The following COL9A2 variants were observed in gnomAD, a reference collection of about 807,000 sequenced individuals.
COL9A2 encodes the protein collagen alpha-2(IX) chain.
Under a neutral mutation model 111.6 loss-of-function variants are expected in COL9A2, and 66 were observed. That is an observed-to-expected ratio of 0.59 (90% CI 0.48 to 0.73). The LOEUF (loss-of-function observed/expected upper bound fraction) is 0.73, where lower values mean the gene tolerates loss of function less well. Ranked by LOEUF, COL9A2 falls within the 30% of genes least tolerant of loss-of-function variation. The pLI is 0.00. For missense variants in COL9A2, 881 were observed against 954.1 expected (o/e 0.92, Z 1.01); for synonymous variants, 353 against 364.1 (o/e 0.97, Z 0.35).
chr1:40,311,410 C>T lies in COL9A2; in HGVS notation c.519+90G>A. On this transcript the variant is annotated intron_variant, in intron 10 of 31. Transcript: ENST00000372748. This position sits in a 1 kb window ranked among gnomAD's most constrained non-coding sequence, Gnocchi z 5.1. ...CCTGCACTGCAGCCCCTCCCCATCT[C>T]TCCAGACACCCCCATCTCCGTGGCC... 1 of 1,584,474 alleles carries T rather than the reference C, an allele frequency of 6.3e-7. No homozygotes were observed. Among genetic ancestry groups the T allele is most frequent in the Non-Finnish European group, 8.6e-7 (1 of 1,161,190 alleles).
At chr1:40,306,475 A>T (rs1191570560) in intron 19 of COL9A2, among the ~76,000 whole-genome samples, 2 of 152,220 alleles carry the variant, frequency 1.3e-5, no homozygotes, top group Admixed American at 6.5e-5. Context: ...ACAAGTCTGC[A>T]TGTGTGCACA....
rs372016237 is a variant in COL9A2 at position 40,314,214 on chromosome 1, G to A, written c.240C>T (p.Pro80=). 28 of 1,614,028 alleles carry A rather than the reference G, an allele frequency of 1.7e-5. No homozygotes were observed. The highest frequency in any genetic ancestry group is 2.3e-5 in the Non-Finnish European group (27 of 1,180,018). ...ACACTCAGCTACTCACATCAATCCC[G>A]GGCTTCCCGTCTGGCCCATCTGGCC... ...KAGPDGPDGK[P]GIDGLTGAKG... The change falls in exon 4 of 32, where the codon CCC becomes CCT. Residue 80 remains proline (P), a synonymous_variant. Transcript: ENST00000372748. This position sits in a 1 kb window ranked among gnomAD's most constrained non-coding sequence, Gnocchi z 4.1.
intron 2 of COL9A2, chr1:40,315,275 G>C (rs1644199434): frequency 8.4e-7 from 1 of 1,185,688 alleles, no homozygotes; most frequent in South Asian, 2.4e-5. Flanking sequence ...GCAGGGTGAG[G>C]GGTTGAGTCG....
chr1:40,307,318 G>A lies in COL9A2; in HGVS notation c.1008+128C>T. 1 of 908,696 alleles carries A rather than the reference G, an allele frequency of 1.1e-6. No homozygotes were observed. The highest frequency in any genetic ancestry group is 1.8e-6 in the Non-Finnish European group (1 of 566,056). 56.3% of individuals were successfully genotyped at this position (908,696 alleles called of 1,614,324 possible). On this transcript the variant is annotated intron_variant, in intron 19 of 31. Coordinates refer to ENST00000372748, the MANE Select transcript of COL9A2 (RefSeq NM_001852.4). This position sits in a 1 kb window ranked among gnomAD's most constrained non-coding sequence, Gnocchi z 4.8. The stretch of plus-strand genomic sequence containing the variant: ...GTCCAAGTAATGAAGCCTTCGCCAG[G>A]CCAGGGGCCACAGAGTTGGTAACAA...
In COL9A2 at chr1:40,302,948, T is replaced by C; in HGVS notation, c.1604-139A>G. Reference sequence around the variant, plus strand: ...AAAGCACCACCTTCCGTGGGCTCTGTTTTGCGGAAGTCAAAGGCCCAGAGT... The same window carrying C: ...AAAGCACCACCTTCCGTGGGCTCTGCTTTGCGGAAGTCAAAGGCCCAGAGT... On this transcript the variant is annotated intron_variant, in intron 29 of 31. Transcript: ENST00000372748. The surrounding 1 kb of genome is among the most constrained non-coding windows in gnomAD (Gnocchi z 4.5). The C allele has an allele frequency of 8.8e-7, 1 of 1,138,438 alleles. No homozygotes were observed. Among genetic ancestry groups the C allele is most frequent in the Admixed American group, 2.1e-5 (1 of 48,734 alleles). 70.5% of individuals were successfully genotyped at this position (1,138,438 alleles called of 1,614,324 possible). A position where few individuals can be genotyped will look rare whatever the true frequency, so the allele number is the denominator to read the frequency against.
chr1:40,301,986 G>C (rs1001637084), intron 30 of COL9A2, 97 bp from the exon 31 acceptor site: 6 of 1,261,396 alleles, frequency 4.8e-6, no homozygotes, highest in Non-Finnish European at 6.8e-6. Flanking sequence ...TTCCTGTTTT[G>C]TGCTAGTTTG....
intron 16 of COL9A2, among the ~76,000 whole-genome samples, chr1:40,308,663 G>GGAGTAC (rs1317429765): frequency 6.6e-6 from 1 of 152,192 alleles, no homozygotes; most frequent in Non-Finnish European, 1.5e-5. Context: ...ATGATGTTAG[G>GGAGTAC]GAGTACTTGT....
At chr1:40,301,787 C>T (rs781268566) in intron 31 of COL9A2, 25 bp downstream of exon 31, 6 of 1,610,080 alleles carry the variant, frequency 3.7e-6, no homozygotes, top group Non-Finnish European at 5.1e-6. Context: ...GAACACACTG[C>T]AGCTGGGCAG....
rs1211339142 is a variant in COL9A2 at position 40,312,438 on chromosome 1, C to T, written c.363+18G>A. 6.2e-7 allele frequency: 1 copy of T among 1,612,922 alleles called. No homozygotes were observed. Among genetic ancestry groups the T allele is most frequent in the Non-Finnish European group, 8.5e-7 (1 of 1,179,456 alleles). The stretch of plus-strand genomic sequence containing the variant: ...CCCTGGGAGTTCTGGGGATCCTGCC[C>T]CATCCCTGAGGACTTACAGGAGGTC... On this transcript the variant is annotated intron_variant, in intron 7 of 31. Coordinates refer to ENST00000372748, the MANE Select transcript of COL9A2 (RefSeq NM_001852.4). The surrounding 1 kb of genome is among the most constrained non-coding windows in gnomAD (Gnocchi z 6.0).
rs1643909410 is a variant in COL9A2 at position 40,301,205 on chromosome 1, G to T, written c.2047C>A (p.Pro683Thr). ...GCTCAAGGCCCCTTGATGGATCCAG[G>T]CTCTGTAAGGCGGGCAGAGGCATAG... ...SAYASARLTE[P>T]GSIKGP The change falls in exon 32 of 32, where the codon CCT becomes ACT. Residue 683 changes from proline (P) to threonine (T), a missense_variant. Transcript: ENST00000372748. The T allele has an allele frequency of 1.2e-6, 2 of 1,613,742 alleles. No homozygotes were observed. Among genetic ancestry groups the T allele is most frequent in the Admixed American group, 1.7e-5 (1 of 60,012 alleles).
Position 40,307,321 on chromosome 1 carries a change from AG to A in COL9A2, c.1008+124del. 2.2e-6 allele frequency: 2 copies of A among 925,192 alleles called. No individual in the cohort carries two copies. 57.3% of individuals were successfully genotyped at this position (925,192 alleles called of 1,614,324 possible). On this transcript the variant is annotated intron_variant, in intron 19 of 31. Transcript: ENST00000372748. This position sits in a 1 kb window ranked among gnomAD's most constrained non-coding sequence, Gnocchi z 4.8. ...CAAGTAATGAAGCCTTCGCCAGGCC[AG>A]GGGCCACAGAGTTGGTAACAAGGCA...
At position 40,311,432 on chromosome 1, in the gene COL9A2, G is replaced by T; in HGVS notation, c.519+68C>A. On this transcript the variant is annotated intron_variant, in intron 10 of 31. Transcript: ENST00000372748. The surrounding 1 kb of genome is among the most constrained non-coding windows in gnomAD (Gnocchi z 5.1). ...TCTCTCCAGACACCCCCATCTCCGT[G>T]GCCCCGCCTCCCCATCTCTGTGGCC... 2 of 1,575,964 alleles carry T rather than the reference G, an allele frequency of 1.3e-6. No individual in the cohort carries two copies. Among genetic ancestry groups the T allele is most frequent in the Non-Finnish European group, 8.7e-7 (1 of 1,151,366 alleles).
Position 40,304,394 on chromosome 1 carries a change from G to T in COL9A2, c.1216-3C>A. On this transcript the variant is annotated splice_region_variant and splice_polypyrimidine_tract_variant and intron_variant, in intron 23 of 31. Coordinates refer to ENST00000372748, the MANE Select transcript of COL9A2 (RefSeq NM_001852.4). ...GGGCCCTGCTCCCCCTTAGGGCCCT[G>T]AGGAGAAAAGAAACCAAAGGAATAA... The T allele has an allele frequency of 6.2e-7, 1 of 1,603,310 alleles. No individual in the cohort carries two copies. The highest frequency in any genetic ancestry group is 8.5e-7 in the Non-Finnish European group (1 of 1,174,786).
chr1:40,316,552 T>A lies in COL9A2; in HGVS notation c.75+571A>T. The stretch of plus-strand genomic sequence containing the variant: ...GCTCGGACCCAGGCAGGGGTCCCGG[T>A]GCCCACGACCTCCCCAGGCCGCGAA... On this transcript the variant is annotated intron_variant, in intron 1 of 31. Coordinates refer to ENST00000372748, the MANE Select transcript of COL9A2 (RefSeq NM_001852.4). The surrounding 1 kb of genome is among the most constrained non-coding windows in gnomAD (Gnocchi z 5.5). 2.2e-6 allele frequency: 1 copy of A among 451,568 alleles called. No individual in the cohort carries two copies. The highest frequency in any genetic ancestry group is 4.4e-6 in the Non-Finnish European group (1 of 224,812). 28.0% of individuals were successfully genotyped at this position (451,568 alleles called of 1,614,324 possible).
chr1:40,312,560 C>A lies in COL9A2; in HGVS notation c.339+14G>T. ...CCCCAAGAGTCCCTCGAAGCCCTTGCAGGTTGTACTCACCGGAAGGCCAGG... is the reference window on the plus strand; with the variant it reads ...CCCCAAGAGTCCCTCGAAGCCCTTGAAGGTTGTACTCACCGGAAGGCCAGG... On this transcript the variant is annotated intron_variant, in intron 6 of 31. Transcript: ENST00000372748. The surrounding 1 kb of genome is among the most constrained non-coding windows in gnomAD (Gnocchi z 6.0). 6.2e-7 allele frequency: 1 copy of A among 1,614,046 alleles called. No homozygotes were observed. The highest frequency in any genetic ancestry group is 1.6e-4 in the Middle Eastern group (1 of 6,062).
Position 40,303,246 on chromosome 1 carries a change from C to T in COL9A2, c.1549-61G>A, listed in dbSNP as rs1359888973. On this transcript the variant is annotated intron_variant, in intron 28 of 31. Coordinates refer to ENST00000372748, the MANE Select transcript of COL9A2 (RefSeq NM_001852.4). This position sits in a 1 kb window ranked among gnomAD's most constrained non-coding sequence, Gnocchi z 4.6. ...CTACAAGGGCCCACCGCTCCTATCC[C>T]ACCTGGCTGAGCGTGAGGCCGCCAT... 98 of 1,533,922 alleles carry T rather than the reference C, an allele frequency of 6.4e-5. No individual in the cohort carries two copies. The highest frequency in any genetic ancestry group is 1.7e-4 in the Middle Eastern group (1 of 5,952).
rs1173866112 is a variant in COL9A2 at position 40,312,026 on chromosome 1, G to A, written c.417+33C>T. 7 of 1,588,082 alleles carry A rather than the reference G, an allele frequency of 4.4e-6. No homozygotes were observed. Among genetic ancestry groups the A allele is most frequent in the South Asian group, 1.2e-5 (1 of 86,830 alleles). ...CTTGCCAGCTTGGAGATAGAAGGCA[G>A]GAGGCAGTGAACAGAGGGTGGCTGA... On this transcript the variant is annotated intron_variant, in intron 8 of 31. Coordinates refer to ENST00000372748, the MANE Select transcript of COL9A2 (RefSeq NM_001852.4). The surrounding 1 kb of genome is among the most constrained non-coding windows in gnomAD (Gnocchi z 6.0).
At position 40,314,663 on chromosome 1, in the gene COL9A2, C is replaced by T. The variant is rs1433618481; in HGVS notation, c.151-276G>A. ...CAGACATGCTGATGTCATGAGGTGCCAGCTGTGAGACCCACTACCAGGGCT... is the reference window on the plus strand; with the variant it reads ...CAGACATGCTGATGTCATGAGGTGCTAGCTGTGAGACCCACTACCAGGGCT... On this transcript the variant is annotated intron_variant, in intron 2 of 31. Transcript: ENST00000372748. The surrounding 1 kb of genome is among the most constrained non-coding windows in gnomAD (Gnocchi z 4.1). Among the ~76,000 whole-genome samples the T allele has an allele frequency of 6.6e-6, 1 of 152,130 alleles. No homozygotes were observed. Among genetic ancestry groups the T allele is most frequent in the Non-Finnish European group, 1.5e-5 (1 of 68,030 alleles).
Position 40,302,129 on chromosome 1 carries a change from T to C in COL9A2, c.1793-240A>G, listed in dbSNP as rs1557790355. Among the ~76,000 whole-genome samples the C allele has an allele frequency of 7.6e-6, 1 of 132,426 alleles. No individual in the cohort carries two copies. The highest frequency in any genetic ancestry group is 1.5e-5 in the Non-Finnish European group (1 of 65,142). The allele number at this position is 132,426 out of a possible 152,430, so 86.9% of individuals were successfully genotyped here. Reference sequence around the variant, plus strand: ...GCATAACAATATCTAGCATTTACTGTGTCTCAGTGAACTAAGACAAACTCT... The same window carrying C: ...GCATAACAATATCTAGCATTTACTGCGTCTCAGTGAACTAAGACAAACTCT... On this transcript the variant is annotated intron_variant, in intron 30 of 31. Coordinates refer to ENST00000372748, the MANE Select transcript of COL9A2 (RefSeq NM_001852.4). This position sits in a 1 kb window ranked among gnomAD's most constrained non-coding sequence, Gnocchi z 4.5.
Sources: gnomAD v4.1 joint callset for allele counts (sites outside exome capture counted in the v4.1 genomes callset) on GRCh38, gnomAD v4.1.1 for gene constraint, Gnocchi (gnomAD v3.1) non-coding constraint, MANE v1.5 for transcripts, NCBI Gene and HGNC (gene_info 2026-07-23, HGNC 2026-07-21) for gene names.